The following LEKR1 variants were observed in gnomAD, a reference collection of about 807,000 sequenced individuals.
The protein encoded by LEKR1 is leucine, glutamate and lysine rich 1.
A neutral mutation model predicts 72.4 loss-of-function variants in LEKR1; 59 were observed. The ratio of observed to expected loss-of-function variants is 0.82; its 90% CI spans 0.66 to 1.01. The LOEUF (loss-of-function observed/expected upper bound fraction) is 1.01. LEKR1 is among the 50% of genes least tolerant of loss of function. The pLI is 0.00. For synonymous variants in LEKR1, 257 were observed against 263.2 expected, an observed-to-expected ratio of 0.98 and a Z score of 0.23; for missense variants, 728 against 759.2, an observed-to-expected ratio of 0.96 and a Z score of 0.48.
intron 3 of LEKR1, among the ~76,000 whole-genome samples, chr3:156,912,904 G>A (rs1254750491): frequency 6.6e-6 from 1 of 152,128 alleles, no homozygotes; most frequent in Non-Finnish European, 1.5e-5. Flanking sequence ...TATCCTGGAG[G>A]CAGACTCCCC....
chr3:156,943,363 T>C (rs1274647299), intron 6 of LEKR1, among the ~76,000 whole-genome samples: 1 of 151,860 alleles, frequency 6.6e-6, no homozygotes, highest in Non-Finnish European at 1.5e-5. Flanking sequence ...CATAAGAAGC[T>C]GAAGTAGGGA....
intron 9 of LEKR1, among the ~76,000 whole-genome samples, chr3:157,007,505 C>T (rs1327072207): frequency 6.6e-6 from 1 of 152,236 alleles, no homozygotes; most frequent in African/African-American, 2.4e-5. Flanking sequence ...GTGATGGAAT[C>T]CACTGGTGCC....
intron 6 of LEKR1, chr3:156,977,900 C>T (rs946941877): frequency 2.4e-5 from 4 of 166,748 alleles, no homozygotes; most frequent in Non-Finnish European, 4.0e-5. Flanking sequence ...TTATCTATCA[C>T]ACTTTTTACA....
At chr3:157,037,118 C>T (rs574422429) in intron 12 of LEKR1, among the ~76,000 whole-genome samples, 1 of 152,140 alleles carries the variant, frequency 6.6e-6, no homozygotes, top group African/African-American at 2.4e-5. Flanking sequence ...GAAGCTGAAC[C>T]CTCATCTTCC....
intron 4 of LEKR1, among the ~76,000 whole-genome samples, chr3:156,923,758 C>T (rs766881439): frequency 1.3e-5 from 2 of 151,136 alleles, no homozygotes; most frequent in Non-Finnish European, 2.9e-5. Context: ...GACGGAGGCT[C>T]GCTCTATCAC....
At chr3:156,938,964 A>C (rs4680317) in intron 5 of LEKR1, among the ~76,000 whole-genome samples, 2 of 152,064 alleles carry the variant, frequency 1.3e-5, no homozygotes, top group Admixed American at 1.3e-4. Context: ...TAATAATTGT[A>C]CTTGCGTTAG....
At chr3:157,015,745 T>G (rs533489713) in intron 10 of LEKR1, among the ~76,000 whole-genome samples, 3 of 152,096 alleles carry the variant, frequency 2.0e-5, no homozygotes, top group South Asian at 2.1e-4. Flanking sequence ...AAATAAAAAC[T>G]GACCCAGAAA....
intron 6 of LEKR1, among the ~76,000 whole-genome samples, chr3:156,971,231 A>C (rs368420651): frequency 9.2e-5 from 14 of 152,214 alleles, no homozygotes; most frequent in South Asian, 4.1e-4. Context: ...CAAAAACAAG[A>C]AATGGGGAAA....
At chr3:156,967,602 C>A (rs1728750105) in intron 6 of LEKR1, among the ~76,000 whole-genome samples, 1 of 152,010 alleles carries the variant, frequency 6.6e-6, no homozygotes, top group Non-Finnish European at 1.5e-5. Flanking sequence ...ATGAACAAAG[C>A]CTCCAAGAAA....
chr3:156,968,343 G>C (rs1020604529), intron 6 of LEKR1, among the ~76,000 whole-genome samples: 23 of 152,134 alleles, frequency 1.5e-4, no homozygotes, highest in Non-Finnish European at 3.1e-4. Flanking sequence ...ATTGGATCAA[G>C]AGTCAAGACC....
chr3:156,880,236 C>T (rs1163450054), intron 3 of LEKR1, among the ~76,000 whole-genome samples: 2 of 152,236 alleles, frequency 1.3e-5, no homozygotes, highest in Non-Finnish European at 2.9e-5. Context: ...TGGAGCCTAC[C>T]TCTTGCATCA....
intron 3 of LEKR1, among the ~76,000 whole-genome samples, chr3:156,860,069 C>T (rs912979389): frequency 4.6e-5 from 7 of 152,122 alleles, no homozygotes; most frequent in African/African-American, 1.7e-4. Flanking sequence ...CATCTGCCTT[C>T]TTTCCACTTT....
chr3:156,869,332 C>G (rs1242667229), intron 3 of LEKR1, among the ~76,000 whole-genome samples: 1 of 152,028 alleles, frequency 6.6e-6, no homozygotes, highest in East Asian at 1.9e-4. Context: ...TATAAGGGCT[C>G]CCTTTTCTCT....
chr3:156,920,760 G>A (rs1164775771), intron 4 of LEKR1, 66 bp downstream of exon 4: 1 of 862,692 alleles, frequency 1.2e-6, no homozygotes, highest in Admixed American at 3.5e-5. Context: ...TTTGTAAATA[G>A]CCAAACACAT....
At chr3:157,037,980 T>G (rs764456599) in intron 12 of LEKR1, among the ~76,000 whole-genome samples, 1 of 152,224 alleles carries the variant, frequency 6.6e-6, no homozygotes, top group Non-Finnish European at 1.5e-5. Context: ...AAACCAAGGT[T>G]GAAGGGCCAG....
intron 10 of LEKR1, among the ~76,000 whole-genome samples, chr3:157,015,534 T>C (rs1468310089): frequency 6.6e-6 from 1 of 152,156 alleles, no homozygotes; most frequent in Non-Finnish European, 1.5e-5. Flanking sequence ...CATAATACAT[T>C]TTAAAAGGAA....
At chr3:157,000,023 T>C (rs1731885042) in intron 9 of LEKR1, among the ~76,000 whole-genome samples, 1 of 152,200 alleles carries the variant, frequency 6.6e-6, no homozygotes, top group Non-Finnish European at 1.5e-5. Context: ...CCTTTCTCAG[T>C]GTGACATCTT....
intron 3 of LEKR1, among the ~76,000 whole-genome samples, chr3:156,894,428 T>C (rs1480943307): frequency 6.6e-6 from 1 of 152,236 alleles, no homozygotes; most frequent in Non-Finnish European, 1.5e-5. Flanking sequence ...TGGAAAATAT[T>C]CTGCATCTAT....
chr3:156,857,511 T>C (rs935207399), intron 3 of LEKR1, among the ~76,000 whole-genome samples: 11 of 152,168 alleles, frequency 7.2e-5, no homozygotes, highest in African/African-American at 2.7e-4. Flanking sequence ...GATAAAAGCA[T>C]TGGATAAAAG....
Sources: allele counts gnomAD v4.1 joint callset (sites outside exome capture counted in the v4.1 genomes callset), GRCh38; gene constraint gnomAD v4.1.1; transcripts MANE v1.5; gene names NCBI Gene and HGNC (gene_info 2026-07-23, HGNC 2026-07-21).